The following NEGR1 variants were observed in gnomAD, a reference collection of about 807,000 sequenced individuals.
The protein encoded by NEGR1 is neuronal growth regulator 1, also known as IgLON family member 4.
NEGR1 carries 10 observed loss-of-function variants against 40.9 expected under a neutral mutation model. The observed-to-expected ratio is 0.24, with a 90% CI of 0.15 to 0.42. The LOEUF (loss-of-function observed/expected upper bound fraction) is 0.42. Among genes scored for constraint, NEGR1 ranks in the 10% least tolerant of loss-of-function variants. The pLI is 1.00. For missense variants in NEGR1, 352 were observed against 438.9 expected (o/e 0.80, Z 1.77); for synonymous variants, 185 against 166.8 (o/e 1.11, Z -0.84).
intron 5 of NEGR1, among the ~76,000 whole-genome samples, chr1:71,594,835 C>A (rs897412733): frequency 6.6e-6 from 1 of 152,108 alleles, no homozygotes; most frequent in Admixed American, 6.5e-5. Flanking sequence ...TGAATTTGCC[C>A]GCATCTTTGT....
intron 2 of NEGR1, among the ~76,000 whole-genome samples, chr1:71,913,378 G>T (rs1661477631): frequency 6.6e-6 from 1 of 152,126 alleles, no homozygotes. Flanking sequence ...GCCTCCCAAA[G>T]TGCTGGGATT....
intron 6 of NEGR1, among the ~76,000 whole-genome samples, chr1:71,509,930 A>C (rs1160495396): frequency 6.6e-6 from 1 of 152,210 alleles, no homozygotes; most frequent in African/African-American, 2.4e-5. Flanking sequence ...TAATAATAGA[A>C]GAAAAAGGGG....
intron 2 of NEGR1, among the ~76,000 whole-genome samples, chr1:71,926,318 T>C (rs1474412282): frequency 6.6e-6 from 1 of 151,422 alleles, no homozygotes; most frequent in Non-Finnish European, 1.5e-5. Flanking sequence ...TATGGAATAC[T>C]TGCCACTCTA....
At chr1:71,945,031 T>C (rs1418128127) in intron 1 of NEGR1, among the ~76,000 whole-genome samples, 1 of 152,192 alleles carries the variant, frequency 6.6e-6, no homozygotes, top group Non-Finnish European at 1.5e-5. Flanking sequence ...CTTTATATTT[T>C]TGAAAGATGT....
At chr1:71,796,995 CATT>C (rs1410911711) in intron 2 of NEGR1, among the ~76,000 whole-genome samples, 1 of 152,052 alleles carries the variant, frequency 6.6e-6, no homozygotes, top group Non-Finnish European at 1.5e-5. Context: ...AATTGAAACT[CATT>C]AAATATTTGC....
At chr1:71,674,170 G>C (rs1652530949) in intron 4 of NEGR1, among the ~76,000 whole-genome samples, 2 of 151,946 alleles carry the variant, frequency 1.3e-5, no homozygotes, top group African/African-American at 4.8e-5. Context: ...TTCTTCCCAG[G>C]TTGTTAATAA....
chr1:71,758,363 T>C (rs6700133), intron 3 of NEGR1, among the ~76,000 whole-genome samples: 53,073 of 151,888 alleles, frequency 0.35, 9,772 homozygotes, highest in East Asian at 0.57. Context: ...TTCTAAAATA[T>C]CTTTTCTTGT....
At chr1:72,252,364 G>A (rs1347009367) in intron 1 of NEGR1, among the ~76,000 whole-genome samples, 4 of 152,000 alleles carry the variant, frequency 2.6e-5, no homozygotes, top group Non-Finnish European at 5.9e-5. Context: ...CTTCTTAAAG[G>A]TTTGTCTAGG....
chr1:72,231,735 T>G (rs1654371461), intron 1 of NEGR1, among the ~76,000 whole-genome samples: 1 of 152,172 alleles, frequency 6.6e-6, no homozygotes, highest in South Asian at 2.1e-4. Context: ...CCATGTTACA[T>G]TATCACATGA....
chr1:71,781,034 G>T (rs1557650147), intron 2 of NEGR1, among the ~76,000 whole-genome samples: 1 of 152,158 alleles, frequency 6.6e-6, no homozygotes, highest in Non-Finnish European at 1.5e-5. Context: ...GAGTTTGTGA[G>T]TGCACGGCAT....
intron 2 of NEGR1, among the ~76,000 whole-genome samples, chr1:71,860,824 A>T (rs1381625300): frequency 6.6e-6 from 1 of 152,070 alleles, no homozygotes; most frequent in East Asian, 1.9e-4. Flanking sequence ...CAATTTCCCA[A>T]GTCATAAAGC....
At chr1:72,151,068 C>T (rs183296663) in intron 1 of NEGR1, among the ~76,000 whole-genome samples, 79 of 151,898 alleles carry the variant, frequency 5.2e-4, no homozygotes, top group Non-Finnish European at 9.3e-4. Context: ...CACCAAACAT[C>T]GTCCTCATAG....
chr1:71,660,083 G>GATCA (rs1384718756), intron 4 of NEGR1, among the ~76,000 whole-genome samples: 1 of 152,122 alleles, frequency 6.6e-6, no homozygotes, highest in African/African-American at 2.4e-5. Flanking sequence ...TGTAAATGTT[G>GATCA]ATCAATAGCA....
At chr1:71,583,535 C>T (rs1649205488) in intron 6 of NEGR1, among the ~76,000 whole-genome samples, 1 of 152,154 alleles carries the variant, frequency 6.6e-6, no homozygotes, top group African/African-American at 2.4e-5. Context: ...GCATCTATCA[C>T]TTATGCAAGT....
intron 1 of NEGR1, among the ~76,000 whole-genome samples, chr1:72,159,311 AAAC>A (rs781762174): frequency 3.9e-5 from 6 of 152,130 alleles, no homozygotes; most frequent in African/African-American, 1.4e-4. Flanking sequence ...ACCTGTGAGA[AAAC>A]AATAGGCCAA....
At chr1:71,805,453 T>G (rs1339992348) in intron 2 of NEGR1, among the ~76,000 whole-genome samples, 1 of 152,184 alleles carries the variant, frequency 6.6e-6, no homozygotes, top group Non-Finnish European at 1.5e-5. Flanking sequence ...TCTTTTGTAC[T>G]CTTTCCCTTT....
At chr1:71,556,910 A>G (rs1015255074) in intron 6 of NEGR1, among the ~76,000 whole-genome samples, 1 of 151,688 alleles carries the variant, frequency 6.6e-6, no homozygotes, top group Non-Finnish European at 1.5e-5. Flanking sequence ...GTAAAATAGC[A>G]AAATGAAACA....
intron 1 of NEGR1, among the ~76,000 whole-genome samples, chr1:72,185,407 C>T (rs148502649): frequency 1.7e-4 from 26 of 151,894 alleles, no homozygotes; most frequent in African/African-American, 6.3e-4. Flanking sequence ...CCAAACAATC[C>T]ATTAAATATG....
At chr1:71,900,677 G>A (rs982975631) in intron 2 of NEGR1, among the ~76,000 whole-genome samples, 1 of 152,184 alleles carries the variant, frequency 6.6e-6, no homozygotes, top group African/African-American at 2.4e-5. Context: ...TAACTTTTAA[G>A]AGGAAACATA....
Sources: allele counts gnomAD v4.1 joint callset (sites outside exome capture counted in the v4.1 genomes callset), GRCh38; gene constraint gnomAD v4.1.1; transcripts MANE v1.5; gene names NCBI Gene and HGNC (gene_info 2026-07-23, HGNC 2026-07-21).